PDZRN3: variants seen among roughly 807,000 people sequenced by gnomAD.
PDZRN3 encodes the protein E3 ubiquitin-protein ligase PDZRN3.
In PDZRN3, 38 loss-of-function variants were observed where a neutral mutation model predicts 85.7. The ratio of observed to expected loss-of-function variants is 0.44; its 90% CI spans 0.34 to 0.58. PDZRN3 has a LOEUF of 0.58. Among genes scored for constraint, PDZRN3 ranks in the 20% least tolerant of loss-of-function variants. PDZRN3 has a pLI of 0.01. For missense variants in PDZRN3, 1,629 were observed against 1,506.4 expected (o/e 1.08, Z -1.35); for synonymous variants, 759 against 638.0 (o/e 1.19, Z -2.86).
Position 73,462,915 on chromosome 3 carries a change from G to A in PDZRN3, c.919-58520C>T, listed in dbSNP as rs146849603. ...GACTAAGTATTATGCCCAGAATCAG[G>A]ATTCACAGCCAGGTCTGTCTTGCTT... is the stretch of plus-strand genomic sequence containing the variant. On this transcript the variant is annotated intron_variant, in intron 3 of 9. Transcript: ENST00000263666. Among the ~76,000 whole-genome samples the A allele has an allele frequency of 1.8e-4, 27 of 152,284 alleles. No homozygotes were observed. The East Asian group carries it at 4.6e-3, about 26-fold the overall frequency.
intron 3 of PDZRN3, among the ~76,000 whole-genome samples, chr3:73,539,252 A>C (rs1704858208): frequency 6.6e-6 from 1 of 152,208 alleles, no homozygotes; most frequent in Admixed American, 6.5e-5. Context: ...TTCGAACCAC[A>C]AAATATTGTT....
intron 3 of PDZRN3, among the ~76,000 whole-genome samples, chr3:73,430,347 C>T (rs1246261577): frequency 6.6e-6 from 1 of 152,196 alleles, no homozygotes. Context: ...TGCATGCAGA[C>T]TTTAGGACAA....
chr3:73,621,545 GGGA>G (rs1261076719), intron 1 of PDZRN3, among the ~76,000 whole-genome samples: 1 of 152,172 alleles, frequency 6.6e-6, no homozygotes, highest in Non-Finnish European at 1.5e-5. Context: ...AGCTTCCAAT[GGGA>G]GGAGTTTTAT....
chr3:73,409,133 C>T (rs1443663346), intron 3 of PDZRN3, among the ~76,000 whole-genome samples: 1 of 152,138 alleles, frequency 6.6e-6, no homozygotes, highest in Non-Finnish European at 1.5e-5. Flanking sequence ...TCCCCTGGGA[C>T]TTAGGTGCAA....
intron 3 of PDZRN3, among the ~76,000 whole-genome samples, chr3:73,554,355 C>T (rs1403446524): frequency 5.3e-5 from 1 of 18,940 alleles, no homozygotes; most frequent in Non-Finnish European, 8.7e-5. Context: ...TGAGAGAAGA[C>T]ACACACACAC....
rs146085340 is a variant in PDZRN3, at chr3:73,597,939, C to T, written c.918+4415G>A. ...TGAGAAACAGTGAGGTGATCCAATGCTGTGCAAAACCAGCTGGCTGGACTT... is the reference window on the plus strand; with the variant it reads ...TGAGAAACAGTGAGGTGATCCAATGTTGTGCAAAACCAGCTGGCTGGACTT... On this transcript the variant is annotated intron_variant, in intron 3 of 9. Coordinates refer to ENST00000263666, the MANE Select transcript of PDZRN3 (RefSeq NM_015009.3). 1.7e-3 allele frequency among the ~76,000 whole-genome samples: 260 copies of T among 152,206 alleles called. 1 individual carries two copies. Among genetic ancestry groups the T allele is most frequent in the Non-Finnish European group, 2.7e-3 (187 of 68,012 alleles).
At chr3:73,448,181 T>C (rs2106835873) in intron 3 of PDZRN3, among the ~76,000 whole-genome samples, 1 of 152,324 alleles carries the variant, frequency 6.6e-6, no homozygotes, top group East Asian at 1.9e-4. Context: ...GACTGCCTAA[T>C]TTCAAATCCC....
At chr3:73,585,288 T>G (rs1489162596) in intron 3 of PDZRN3, among the ~76,000 whole-genome samples, 1 of 152,224 alleles carries the variant, frequency 6.6e-6, no homozygotes, top group Non-Finnish European at 1.5e-5. Context: ...ATATTAAGAT[T>G]TACATTGGGT....
At chr3:73,433,998 A>G in intron 3 of PDZRN3, 1 of 1,261,426 alleles carries the variant, frequency 7.9e-7, no homozygotes, top group Non-Finnish European at 1.0e-6. Context: ...TGGCAGCTGG[A>G]TTGTGGTCCA....
chr3:73,581,177 G>A lies in PDZRN3; in HGVS notation c.918+21177C>T, dbSNP rs570165950. Among the ~76,000 whole-genome samples, 4 of 152,348 alleles carry A rather than the reference G, an allele frequency of 2.6e-5. No homozygotes were observed. The South Asian group carries it at 6.2e-4, about 24-fold the overall frequency. On this transcript the variant is annotated intron_variant, in intron 3 of 9. Coordinates refer to ENST00000263666, the MANE Select transcript of PDZRN3 (RefSeq NM_015009.3). Reference sequence around the variant, plus strand: ...TTCATGGAAAGAATCACCTGTGTGTGAGAGCAGCTTTCTCTCAAAGAGAAC... The same window carrying A: ...TTCATGGAAAGAATCACCTGTGTGTAAGAGCAGCTTTCTCTCAAAGAGAAC...
chr3:73,458,106 T>G lies in PDZRN3; in HGVS notation c.919-53711A>C, dbSNP rs116992891. Among the ~76,000 whole-genome samples the G allele has an allele frequency of 7.9e-4, 121 of 152,254 alleles. 1 individual carries two copies. In the East Asian group the frequency reaches 0.022, roughly 28 times the overall value. ...GGAAAAATGTGGTCTGTCCTTGCTTTTTATTCTTTTTCTCCCTTGAAGGAT... is the reference window on the plus strand; with the variant it reads ...GGAAAAATGTGGTCTGTCCTTGCTTGTTATTCTTTTTCTCCCTTGAAGGAT... On this transcript the variant is annotated intron_variant, in intron 3 of 9. Transcript: ENST00000263666.
chr3:73,464,246 A>G (rs1703165587), intron 3 of PDZRN3, among the ~76,000 whole-genome samples: 1 of 152,022 alleles, frequency 6.6e-6, no homozygotes, highest in East Asian at 1.9e-4. Context: ...CGGCCTCCCA[A>G]AGTGCTGGGA....
intron 3 of PDZRN3, among the ~76,000 whole-genome samples, chr3:73,472,270 T>C (rs1703359392): frequency 6.6e-6 from 1 of 152,216 alleles, no homozygotes; most frequent in African/African-American, 2.4e-5. Flanking sequence ...ACCCACGTCA[T>C]TTGTCAGGGC....
rs191248094 is a variant in PDZRN3, at chr3:73,623,779, T to C, written c.723+324A>G. ...TAGCTGGTCTGAGCAGCAAAGCCTT[T>C]GAACGCAGTTTTGACTCTGGAGCTG... On this transcript the variant is annotated intron_variant, in intron 1 of 9. Transcript: ENST00000263666. 1.3e-3 allele frequency: 319 copies of C among 250,372 alleles called. 3 individuals carry two copies. The highest frequency in any genetic ancestry group is 6.6e-3 in the African/African-American group (298 of 44,980). The allele number at this position is 250,372 out of a possible 1,614,324, so 15.5% of individuals were successfully genotyped here. A position where few individuals can be genotyped will look rare whatever the true frequency, so the allele number is the denominator to read the frequency against.
intron 1 of PDZRN3, among the ~76,000 whole-genome samples, chr3:73,616,962 G>C (rs955530829): frequency 6.6e-6 from 1 of 152,166 alleles, no homozygotes; most frequent in Non-Finnish European, 1.5e-5. Flanking sequence ...CAATACACTA[G>C]CTCTATTCAG....
chr3:73,496,458 T>A (rs1479363309), intron 3 of PDZRN3, among the ~76,000 whole-genome samples: 1 of 152,172 alleles, frequency 6.6e-6, no homozygotes, highest in Non-Finnish European at 1.5e-5. Context: ...TTGTTTCATA[T>A]GTCAACTCGC....
chr3:73,592,872 G>A (rs544458739), intron 3 of PDZRN3, among the ~76,000 whole-genome samples: 5 of 152,008 alleles, frequency 3.3e-5, no homozygotes, highest in African/African-American at 1.2e-4. Context: ...CACTCTTTCC[G>A]CCTGTTCATA....
intron 3 of PDZRN3, among the ~76,000 whole-genome samples, chr3:73,522,895 A>G (rs2106733648): frequency 6.6e-6 from 1 of 152,372 alleles, no homozygotes; most frequent in Middle Eastern, 3.4e-3. Flanking sequence ...CATAATTGCT[A>G]ACTATGAATT....
At chr3:73,525,892 T>C (rs1056017687) in intron 3 of PDZRN3, among the ~76,000 whole-genome samples, 2 of 152,224 alleles carry the variant, frequency 1.3e-5, no homozygotes, top group Admixed American at 1.3e-4. Flanking sequence ...ATTGTCTTTA[T>C]GTTTGCTTCG....
Sources: allele counts gnomAD v4.1 joint callset (sites outside exome capture counted in the v4.1 genomes callset), GRCh38; gene constraint gnomAD v4.1.1; transcripts MANE v1.5; gene names NCBI Gene and HGNC (gene_info 2026-07-23, HGNC 2026-07-21).